The following IL15 variants were observed in gnomAD, a reference collection of about 807,000 sequenced individuals.
The protein encoded by IL15 is interleukin-15.
A neutral mutation model predicts 19.6 loss-of-function variants in IL15; 11 were observed. The observed-to-expected ratio is 0.56, with a 90% CI of 0.35 to 0.93. IL15 has a LOEUF of 0.93. IL15 is among the 40% of genes least tolerant of loss of function. The probability of loss-of-function intolerance (pLI) is 0.01; values close to 1 mark genes in which losing one functional copy is unlikely to be tolerated. For missense variants in IL15, 197 were observed against 186.5 expected, an observed-to-expected ratio of 1.06 and a Z score of -0.33; for synonymous variants, 58 against 59.6, an observed-to-expected ratio of 0.97 and a Z score of 0.12.
At chr4:141,673,608 C>G (rs1422959479) in intron 2 of IL15, among the ~76,000 whole-genome samples, 5 of 152,154 alleles carry the variant, frequency 3.3e-5, no homozygotes, top group Non-Finnish European at 7.4e-5. Context: ...CTATCAGATA[C>G]AAGGTATTCG....
At chr4:141,701,468 G>A (rs1015613518) in intron 2 of IL15, among the ~76,000 whole-genome samples, 1 of 152,104 alleles carries the variant, frequency 6.6e-6, no homozygotes, top group Non-Finnish European at 1.5e-5. Context: ...TGTTGTGTGG[G>A]CAAGTTCACT....
chr4:141,729,118 C>T (rs1245771253), intron 6 of IL15, among the ~76,000 whole-genome samples: 1 of 152,118 alleles, frequency 6.6e-6, no homozygotes, highest in Non-Finnish European at 1.5e-5. Context: ...ATTACCAGTG[C>T]TGGGCACATG....
At chr4:141,666,307 C>T (rs976172711) in intron 2 of IL15, among the ~76,000 whole-genome samples, 3 of 151,746 alleles carry the variant, frequency 2.0e-5, no homozygotes, top group Non-Finnish European at 4.4e-5. Context: ...TTTGGAAAGC[C>T]GAGGCGGTCG....
In IL15 at chr4:141,728,010, C is replaced by G. The variant is rs191753595; in HGVS notation, c.240+26C>G. 6.0e-5 allele frequency: 67 copies of G among 1,114,366 alleles called. No homozygotes were observed. In the African/African-American group the frequency reaches 1.0e-3, roughly 17 times the overall value. The allele number at this position is 1,114,366 out of a possible 1,614,324, so 69.0% of individuals were successfully genotyped here. On this transcript the variant is annotated intron_variant, in intron 6 of 7. Coordinates refer to ENST00000320650, the MANE Select transcript of IL15 (RefSeq NM_000585.5). ...GTGAGTATACTTTTTTTCAAAATTG[C>G]TATTTGTCTTGTTATTAAAGTTTTT...
intron 2 of IL15, among the ~76,000 whole-genome samples, chr4:141,706,379 T>C (rs958306225): frequency 6.6e-6 from 1 of 152,128 alleles, no homozygotes; most frequent in Non-Finnish European, 1.5e-5. Context: ...AATTTACTTC[T>C]TTACCCATTA....
At chr4:141,663,641 A>G (rs923502962) in intron 2 of IL15, among the ~76,000 whole-genome samples, 2 of 152,214 alleles carry the variant, frequency 1.3e-5, no homozygotes, top group African/African-American at 2.4e-5. Context: ...TCTATGCAGC[A>G]TTCCTTCCTC....
Position 141,730,084 on chromosome 4 carries a change from G to A in IL15, c.378+100G>A, listed in dbSNP as rs112905784. On this transcript the variant is annotated intron_variant, in intron 7 of 7. Coordinates refer to ENST00000320650, the MANE Select transcript of IL15 (RefSeq NM_000585.5). The stretch of plus-strand genomic sequence containing the variant: ...GCAGATCCTCCTAAGGGGCAATCAG[G>A]AGAAGGAGTCCTGTTCCAGTGGAGT... 2.0e-5 allele frequency: 18 copies of A among 908,190 alleles called. 1 individual carries two copies. Among genetic ancestry groups the A allele is most frequent in the African/African-American group, 1.3e-4 (8 of 60,942 alleles). The allele number at this position is 908,190 out of a possible 1,614,324, so 56.3% of individuals were successfully genotyped here.
At chr4:141,636,966 G>C (rs1726876751) in intron 1 of IL15, 1 of 152,276 alleles carries the variant, frequency 6.6e-6, no homozygotes, top group Non-Finnish European at 1.5e-5. Context: ...GGCTCTCCTA[G>C]CCATCCTCCC....
At chr4:141,645,399 C>A (rs1727193465) in intron 1 of IL15, among the ~76,000 whole-genome samples, 1 of 152,054 alleles carries the variant, frequency 6.6e-6, no homozygotes, top group Admixed American at 6.6e-5. Context: ...AATAGTAGAG[C>A]CTGGATTTGA....
intron 2 of IL15, among the ~76,000 whole-genome samples, chr4:141,666,692 A>C (rs1727998179): frequency 6.6e-6 from 1 of 150,714 alleles, no homozygotes. Flanking sequence ...TTTTCTCCCC[A>C]AGGAAGGCCA....
intron 2 of IL15, among the ~76,000 whole-genome samples, chr4:141,688,018 T>C (rs1728766058): frequency 6.6e-6 from 1 of 152,232 alleles, no homozygotes; most frequent in Non-Finnish European, 1.5e-5. Flanking sequence ...GACAGTTCTC[T>C]CTGGGACAAG....
intron 2 of IL15, among the ~76,000 whole-genome samples, chr4:141,709,110 G>GA (rs1729627594): frequency 7.3e-6 from 1 of 136,332 alleles, no homozygotes; most frequent in African/African-American, 2.8e-5. Context: ...CAATATTATT[G>GA]AAATTTTCAG....
chr4:141,685,202 C>T (rs1415197352), intron 2 of IL15, among the ~76,000 whole-genome samples: 1 of 152,074 alleles, frequency 6.6e-6, no homozygotes, highest in Non-Finnish European at 1.5e-5. Flanking sequence ...CCTAGGACCC[C>T]CCTAGAGAAT....
intron 2 of IL15, among the ~76,000 whole-genome samples, chr4:141,676,912 A>G (rs1292981973): frequency 6.6e-6 from 1 of 152,242 alleles, no homozygotes; most frequent in African/African-American, 2.4e-5. Flanking sequence ...GTGCCACACT[A>G]TGAGGAAGAA....
intron 2 of IL15, among the ~76,000 whole-genome samples, chr4:141,658,169 G>A (rs1365487971): frequency 6.6e-6 from 1 of 152,086 alleles, no homozygotes; most frequent in South Asian, 2.1e-4. Flanking sequence ...GTTTAAAAGT[G>A]TGTAGCACCT....
chr4:141,643,211 AT>A (rs1290158630), intron 1 of IL15, among the ~76,000 whole-genome samples: 1 of 151,778 alleles, frequency 6.6e-6, no homozygotes, highest in Non-Finnish European at 1.5e-5. Context: ...CTCCATCACC[AT>A]TTTTTTCTCT....
intron 1 of IL15, among the ~76,000 whole-genome samples, chr4:141,641,190 C>G (rs140898575): frequency 1.3e-3 from 199 of 152,282 alleles, no homozygotes; most frequent in African/African-American, 4.3e-3. Flanking sequence ...TTTCCTGACT[C>G]ATCTGCAACA....
chr4:141,656,388 C>T (rs1431697545), intron 2 of IL15, 81 bp downstream of exon 2: 1 of 395,272 alleles, frequency 2.5e-6, no homozygotes. Flanking sequence ...GAAAATGTGG[C>T]AAAACAGGTG....
chr4:141,681,220 T>C (rs1334506047), intron 2 of IL15, among the ~76,000 whole-genome samples: 1 of 151,992 alleles, frequency 6.6e-6, no homozygotes, highest in Non-Finnish European at 1.5e-5. Context: ...TTATATAAGA[T>C]GCGCTGTGAA....
Sources: gnomAD v4.1 joint callset for allele counts (sites outside exome capture counted in the v4.1 genomes callset) on GRCh38, gnomAD v4.1.1 for gene constraint, MANE v1.5 for transcripts, NCBI Gene and HGNC (gene_info 2026-07-23, HGNC 2026-07-21) for gene names.